Variants in HEMK1 observed in about 807,000 individuals in gnomAD.
The protein encoded by HEMK1 is HemK methyltransferase 1, mitochondrial release factors N(5)-glutamine, also known as MTRF1L release factor glutamine methyltransferase.
A neutral mutation model predicts 47.9 loss-of-function variants in HEMK1; 36 were observed. The observed-to-expected ratio is 0.75, with a 90% confidence interval of 0.58 to 0.99. HEMK1 has a LOEUF of 0.99. Among genes scored for constraint, HEMK1 ranks in the 50% least tolerant of loss-of-function variants. The pLI is 0.00. For synonymous variants in HEMK1, 153 were observed against 165.4 expected, an observed-to-expected ratio of 0.93 and a Z score of 0.57; for missense variants, 383 against 434.5, an observed-to-expected ratio of 0.88 and a Z score of 1.05.
rs1447348482 is a variant in HEMK1, at chr3:50,580,096, C to T, written c.867-20C>T. 6 of 1,602,500 alleles carry T rather than the reference C, an allele frequency of 3.7e-6. No homozygotes were observed. Among genetic ancestry groups the T allele is most frequent in the South Asian group, 1.1e-5 (1 of 90,852 alleles). On this transcript the variant is annotated intron_variant, in intron 9 of 10. Transcript: ENST00000232854. The stretch of plus-strand genomic sequence containing the variant: ...CGCCAGACCTGTCCTGCTGAGCCCA[C>T]CCATTTCTCCCCCATGTAGTAGTAT...
rs748586565 is a variant in HEMK1 at position 50,571,092 on chromosome 3, C to A, written c.-13C>A. On this transcript the variant is annotated 5_prime_UTR_variant, in exon 2 of 11. Transcript: ENST00000232854. ...GGAACCTGGAAGCACTCTGGAGAAC[C>A]TTTCCCTGAGACATGGAGCTTTGGG... 1 of 1,569,486 alleles carries A rather than the reference C, an allele frequency of 6.4e-7. No individual in the cohort carries two copies.
At position 50,570,926 on chromosome 3, in the gene HEMK1, C is replaced by G. The variant is rs1049082736; in HGVS notation, c.-174-5C>G. On this transcript the variant is annotated splice_region_variant and splice_polypyrimidine_tract_variant and intron_variant, in intron 1 of 10. Transcript: ENST00000232854. ...ACCTGCTTTCCTGGTTCCTCTCACT[C>G]CCAGGGTGGCAACCAACTATATCTG... is the stretch of plus-strand genomic sequence containing the variant. 1 of 501,592 alleles carries G rather than the reference C, an allele frequency of 2.0e-6. No homozygotes were observed. Among genetic ancestry groups the G allele is most frequent in the African/African-American group, 2.0e-5 (1 of 50,308 alleles). 31.1% of individuals were successfully genotyped at this position (501,592 alleles called of 1,614,324 possible).
intron 10 of HEMK1, 66 bp downstream of exon 10, chr3:50,580,295 T>C (rs1240409562): frequency 6.2e-7 from 1 of 1,605,814 alleles, no homozygotes; most frequent in Non-Finnish European, 8.5e-7. Flanking sequence ...TCCTCAGCCC[T>C]GGCTGTCAGG....
rs1403854796 is a variant in HEMK1, at chr3:50,595,198, C to T, written c.*14781C>T. The T allele has an allele frequency of 6.6e-6, 1 of 152,184 alleles. No homozygotes were observed. The highest frequency in any genetic ancestry group is 1.9e-4 in the East Asian group (1 of 5,196). The allele number at this position is 152,184 out of a possible 1,614,324, so 9.4% of individuals were successfully genotyped here. A position where few individuals can be genotyped will look rare whatever the true frequency, so the allele number is the denominator to read the frequency against. ...GAGTGAGCCACCGCGCCCGGCTTATCCGACTTTGAAGCAAACAAGTTAGTC... is the reference window on the plus strand; with the variant it reads ...GAGTGAGCCACCGCGCCCGGCTTATTCGACTTTGAAGCAAACAAGTTAGTC... On this transcript the variant is annotated 3_prime_UTR_variant, in exon 11 of 11. Coordinates refer to ENST00000232854, the MANE Select transcript of HEMK1 (RefSeq NM_016173.5).
rs542135658 is a variant in HEMK1 at position 50,580,120 on chromosome 3, A to G, written c.871A>G (p.Ile291Val). 213 of 1,613,612 alleles carry G rather than the reference A, an allele frequency of 1.3e-4. 1 individual carries two copies. In the South Asian group the frequency reaches 2.1e-3, roughly 16 times the overall value. ...ACCCATTTCTCCCCCATGTAGTAGT[A>G]TCTTCTTAGAAGTGGACCCAAGGCA... ...APRLLKDSGS[I>V]FLEVDPRHPE... Residue 291 changes from isoleucine to valine, a missense_variant, in exon 10 of 11, where the codon ATC (isoleucine) becomes GTC (valine). Coordinates refer to ENST00000232854, the MANE Select transcript of HEMK1 (RefSeq NM_016173.5).
At chr3:50,578,034 G>A (rs1243391082) in intron 7 of HEMK1, among the ~76,000 whole-genome samples, 159 bp downstream of exon 7, 1 of 152,148 alleles carries the variant, frequency 6.6e-6, no homozygotes, top group Non-Finnish European at 1.5e-5. Flanking sequence ...GTTTGTGGCA[G>A]CTCAAACGAA....
At position 50,593,422 on chromosome 3, in the gene HEMK1, C is replaced by CG. The variant is rs896617838; in HGVS notation, c.*13007dup. Reference sequence around the variant, plus strand: ...CAGGAGAATACAACTCACAGCCAAGCGGAAGGTGGCTTTCAGCTCCCCCCT... The same window carrying CG: ...CAGGAGAATACAACTCACAGCCAAGCGGGAAGGTGGCTTTCAGCTCCCCCCT... On this transcript the variant is annotated 3_prime_UTR_variant, in exon 11 of 11. Coordinates refer to ENST00000232854, the MANE Select transcript of HEMK1 (RefSeq NM_016173.5). 1.3e-5 allele frequency: 2 copies of CG among 152,140 alleles called. No homozygotes were observed. The highest frequency in any genetic ancestry group is 4.8e-5 in the African/African-American group (2 of 41,412). 9.4% of individuals were successfully genotyped at this position (152,140 alleles called of 1,614,324 possible).
In HEMK1 at chr3:50,581,403, T is replaced by C. The variant is rs2030789379; in HGVS notation, c.*986T>C. 1 of 150,936 alleles carries C rather than the reference T, an allele frequency of 6.6e-6. No individual in the cohort carries two copies. The highest frequency in any genetic ancestry group is 2.1e-4 in the South Asian group (1 of 4,814). The allele number at this position is 150,936 out of a possible 1,614,324, so 9.3% of individuals were successfully genotyped here. On this transcript the variant is annotated 3_prime_UTR_variant, in exon 11 of 11. Transcript: ENST00000232854. ...ACCAGGCTGTCTCATTCCACTAGAC[T>C]GCCCCCTGCCACCCTGGCACTTCCC...
chr3:50,572,428 C>A (rs1000108966), intron 4 of HEMK1, among the ~76,000 whole-genome samples: 13 of 152,224 alleles, frequency 8.5e-5, no homozygotes, highest in Non-Finnish European at 1.5e-4. Context: ...TCAACCCAGC[C>A]TCTAGGTCTG....
rs1350132857 is a variant in HEMK1, at chr3:50,585,322, C to T, written c.*4905C>T. On this transcript the variant is annotated 3_prime_UTR_variant, in exon 11 of 11. Transcript: ENST00000232854. ...CATCTGTGAAATGAGCACAGCAGCC[C>T]CTGACTTTGAGCTAATGGGCCTGGC... 1 of 152,344 alleles carries T rather than the reference C, an allele frequency of 6.6e-6. No individual in the cohort carries two copies. Among genetic ancestry groups the T allele is most frequent in the Non-Finnish European group, 1.5e-5 (1 of 68,154 alleles). 9.4% of individuals were successfully genotyped at this position (152,344 alleles called of 1,614,324 possible). A position where few individuals can be genotyped will look rare whatever the true frequency, so the allele number is the denominator to read the frequency against.
rs542673166 is a variant in HEMK1, at chr3:50,587,706, C to T, written c.*7289C>T. The T allele has an allele frequency of 6.6e-6, 1 of 152,352 alleles. No individual in the cohort carries two copies. Among genetic ancestry groups the T allele is most frequent in the East Asian group, 1.9e-4 (1 of 5,176 alleles). The allele number at this position is 152,352 out of a possible 1,614,324, so 9.4% of individuals were successfully genotyped here. A position where few individuals can be genotyped will look rare whatever the true frequency, so the allele number is the denominator to read the frequency against. The stretch of plus-strand genomic sequence containing the variant: ...GGGGTGAGGTGGTGCCGAGAGGTCC[C>T]CTTGGCTGAGCTCTGAATGCATTTC... On this transcript the variant is annotated 3_prime_UTR_variant, in exon 11 of 11. Transcript: ENST00000232854. The surrounding 1 kb of genome is among the most constrained non-coding windows in gnomAD (Gnocchi z 4.2).
chr3:50,588,090 C>T lies in HEMK1; in HGVS notation c.*7673C>T, dbSNP rs695170. 116,651 of 152,094 alleles carry T rather than the reference C, an allele frequency of 0.77. 45,882 individuals carry two copies. The highest frequency in any genetic ancestry group is 0.89 in the Middle Eastern group (262 of 296). 9.4% of individuals were successfully genotyped at this position (152,094 alleles called of 1,614,324 possible). On this transcript the variant is annotated 3_prime_UTR_variant, in exon 11 of 11. Coordinates refer to ENST00000232854, the MANE Select transcript of HEMK1 (RefSeq NM_016173.5). ...GAATATCCGAGAAGCAGCATTGGGG[C>T]GTCTGGAGATGCAAATGTGACCATG...
At chr3:50,575,309 C>A (rs1250007597) in intron 4 of HEMK1, among the ~76,000 whole-genome samples, 1 of 152,062 alleles carries the variant, frequency 6.6e-6, no homozygotes, top group Non-Finnish European at 1.5e-5. Flanking sequence ...GTAATCCCAG[C>A]TACTTGGGAA....
Position 50,579,903 on chromosome 3 carries a change from T to A in HEMK1, c.830T>A (p.Ile277Asn), listed in dbSNP as rs750647086. 1 of 1,614,058 alleles carries A rather than the reference T, an allele frequency of 6.2e-7. No individual in the cohort carries two copies. Among genetic ancestry groups the A allele is most frequent in the Non-Finnish European group, 8.5e-7 (1 of 1,179,952 alleles). Residue 277 changes from isoleucine to asparagine, a missense_variant, in exon 9 of 11, where the codon ATT becomes AAT. By Grantham distance (149) the Ile-to-Asn change is moderately radical. Transcript: ENST00000232854. ...GAGGGCATGGACATCATTACCCACA[T>A]TCTGGCCTTGGCACCCCGGCTCCTG... ...GEEGMDIITH[I>N]LALAPRLLKD... is the part of the protein sequence containing the mutation.
At chr3:50,571,980 T>C (rs888140915) in intron 3 of HEMK1, 135 bp from the exon 4 acceptor site, 1 of 1,454,126 alleles carries the variant, frequency 6.9e-7, no homozygotes, top group African/African-American at 1.4e-5. Flanking sequence ...AGGGAGGGTT[T>C]TGCCTCAGGA....
At position 50,585,856 on chromosome 3, in the gene HEMK1, T is replaced by G. The variant is rs1031017389; in HGVS notation, c.*5439T>G. Reference sequence around the variant, plus strand: ...AGTAACACAGCACTTGACTCCTGACTCCCAGTATGATGCTCTCATCTCCTA... The same window carrying G: ...AGTAACACAGCACTTGACTCCTGACGCCCAGTATGATGCTCTCATCTCCTA... On this transcript the variant is annotated 3_prime_UTR_variant, in exon 11 of 11. Transcript: ENST00000232854. 6 of 152,238 alleles carry G rather than the reference T, an allele frequency of 3.9e-5. No individual in the cohort carries two copies. Among genetic ancestry groups the G allele is most frequent in the Non-Finnish European group, 8.8e-5 (6 of 68,048 alleles). The allele number at this position is 152,238 out of a possible 1,614,324, so 9.4% of individuals were successfully genotyped here. A position where few individuals can be genotyped will look rare whatever the true frequency, so the allele number is the denominator to read the frequency against.
At position 50,580,887 on chromosome 3, in the gene HEMK1, C is replaced by T. The variant is rs528170867; in HGVS notation, c.*470C>T. 5.4e-6 allele frequency: 1 copy of T among 185,956 alleles called. No homozygotes were observed. The highest frequency in any genetic ancestry group is 1.1e-4 in the South Asian group (1 of 8,776). The allele number at this position is 185,956 out of a possible 1,614,324, so 11.5% of individuals were successfully genotyped here. On this transcript the variant is annotated 3_prime_UTR_variant, in exon 11 of 11. Transcript: ENST00000232854. The stretch of plus-strand genomic sequence containing the variant: ...GTCCTGGCATAGAGCAGCTCACTCC[C>T]AGGGATTGATTAGTCCTCCACTGCC...
Position 50,583,917 on chromosome 3 carries a change from A to ACCC in HEMK1, c.*3501_*3503dup, listed in dbSNP as rs1169509150. On this transcript the variant is annotated 3_prime_UTR_variant, in exon 11 of 11. Coordinates refer to ENST00000232854, the MANE Select transcript of HEMK1 (RefSeq NM_016173.5). ...CTGGGGCCCCCTGTGGATCTGGCAT[A>ACCC]CCCAAGTTCAGTAAATGTCTATCAG... is the stretch of plus-strand genomic sequence containing the variant. 15 of 152,224 alleles carry ACCC rather than the reference A, an allele frequency of 9.9e-5. No individual in the cohort carries two copies. The highest frequency in any genetic ancestry group is 9.8e-4 in the Admixed American group (15 of 15,274). The allele number at this position is 152,224 out of a possible 1,614,324, so 9.4% of individuals were successfully genotyped here.
Position 50,571,765 on chromosome 3 carries a change from A to T in HEMK1, c.284A>T (p.Gln95Leu), listed in dbSNP as rs763297963. 1.6e-5 allele frequency: 26 copies of T among 1,614,050 alleles called. No homozygotes were observed. Among genetic ancestry groups the T allele is most frequent in the Non-Finnish European group, 2.0e-5 (24 of 1,180,032 alleles). The change falls in exon 3 of 11, where the codon CAG (glutamine) becomes CTG (leucine). Residue 95 changes from glutamine to leucine, a missense_variant. Coordinates refer to ENST00000232854, the MANE Select transcript of HEMK1 (RefSeq NM_016173.5). ...CAGCCCTTGACCTCTCAGCAACTAC[A>T]GTGTATCCGGGAGCTGAGTAGCCGT... The part of the protein sequence containing the change: ...WTQPLTSQQL[Q>L]CIRELSSRRL...
Sources: allele counts gnomAD v4.1 joint callset (sites outside exome capture counted in the v4.1 genomes callset), GRCh38; gene constraint gnomAD v4.1.1; non-coding constraint Gnocchi (gnomAD v3.1); transcripts MANE v1.5; gene names NCBI Gene and HGNC (gene_info 2026-07-23, HGNC 2026-07-21).